Variants in FREM1 observed in about 807,000 individuals in gnomAD.
The protein encoded by FREM1 is FRAS1-related extracellular matrix protein 1.
Under a neutral mutation model 210.1 loss-of-function variants are expected in FREM1, and 220 were observed. The ratio of observed to expected loss-of-function variants is 1.05; its 90% CI spans 0.94 to 1.17. The LOEUF (loss-of-function observed/expected upper bound fraction) is 1.17. FREM1 is among the 50% of genes most tolerant of loss of function. FREM1 has a pLI of 0.00. For synonymous variants in FREM1, 1,189 were observed against 980.2 expected, an observed-to-expected ratio of 1.21 and a Z score of -3.98; for missense variants, 3,454 against 2,675.5, an observed-to-expected ratio of 1.29 and a Z score of -6.42.
intron 1 of FREM1, among the ~76,000 whole-genome samples, chr9:14,896,988 C>T (rs987537354): frequency 6.6e-6 from 1 of 152,166 alleles, no homozygotes; most frequent in African/African-American, 2.4e-5. Context: ...AGATCAACCA[C>T]CATGAATATT....
At chr9:14,794,471 G>A (rs999177342) in intron 21 of FREM1, among the ~76,000 whole-genome samples, 12 of 152,158 alleles carry the variant, frequency 7.9e-5, no homozygotes, top group Non-Finnish European at 1.5e-4. Context: ...GTGGAGTGAG[G>A]CACTGCGGAC....
In FREM1 at chr9:14,906,908, G is replaced by C. The variant is rs1050430716; in HGVS notation, c.-268+3006C>G. On this transcript the variant is annotated intron_variant, in intron 1 of 36. Transcript: ENST00000380880. ...CCTTTGTTGCTGGGGAGCCAGATAA[G>C]AAAGTTTCAAGGATAAACCTGAGAG... Among the ~76,000 whole-genome samples, 3 of 152,202 alleles carry C rather than the reference G, an allele frequency of 2.0e-5. No homozygotes were observed. The East Asian group carries it at 5.8e-4, about 29-fold the overall frequency.
At chr9:14,774,447 T>C (rs1011477712) in intron 25 of FREM1, among the ~76,000 whole-genome samples, 5 of 152,020 alleles carry the variant, frequency 3.3e-5, no homozygotes, top group South Asian at 2.1e-4. Context: ...CAACGTGCCC[T>C]GTGTATTTCG....
intron 29 of FREM1, among the ~76,000 whole-genome samples, chr9:14,752,132 T>C (rs1843502203): frequency 6.6e-6 from 1 of 151,886 alleles, no homozygotes; most frequent in African/African-American, 2.4e-5. Flanking sequence ...AGGTGTAACA[T>C]AAGCCAAGCC....
chr9:14,784,399 G>A lies in FREM1; in HGVS notation c.4413C>T (p.Ser1471=), dbSNP rs759460135. The part of the protein sequence containing the change: ...VGQTVCYVHK[S]KVTVSSDRFR... ...ATCTGTCACTGGAGACAGTCACCTT[G>A]CTCTTGTGTACATAGCAAACTGTCT... Residue 1471 remains serine (S), a synonymous_variant, in exon 24 of 37, where the codon AGC becomes AGT. Transcript: ENST00000380880. The A allele has an allele frequency of 5.0e-6, 8 of 1,613,602 alleles. No individual in the cohort carries two copies. In the South Asian group the frequency reaches 5.5e-5, roughly 11 times the overall value.
chr9:14,819,224 A>G lies in FREM1; in HGVS notation c.2546+10T>C, dbSNP rs1820837329. The G allele has an allele frequency of 6.4e-7, 1 of 1,571,296 alleles. No homozygotes were observed. Among genetic ancestry groups the G allele is most frequent in the African/African-American group, 1.4e-5 (1 of 73,346 alleles). ...AGCATGTAAATAAAAAAACCATGAAATGTTCTAACCTAACTTTTAAGGTAT... is the reference window on the plus strand; with the variant it reads ...AGCATGTAAATAAAAAAACCATGAAGTGTTCTAACCTAACTTTTAAGGTAT... On this transcript the variant is annotated intron_variant, in intron 14 of 36. Coordinates refer to ENST00000380880, the MANE Select transcript of FREM1 (RefSeq NM_001379081.2).
rs946004629 is a variant in FREM1, at chr9:14,825,372, C to T, written c.1882-380G>A. 7.3e-5 allele frequency among the ~76,000 whole-genome samples: 11 copies of T among 150,556 alleles called. No homozygotes were observed. The East Asian group carries it at 2.0e-3, about 27-fold the overall frequency. On this transcript the variant is annotated intron_variant, in intron 10 of 36. Transcript: ENST00000380880. ...GTGTGGTGATGGGTGCCTGCAATCC[C>T]AGCTACTCGGCAGGCTGAGGCAGGA... is the stretch of plus-strand genomic sequence containing the variant.
Position 14,823,238 on chromosome 9 carries a change from G to T in FREM1, c.2259C>A (p.Val753=). 1 of 1,613,938 alleles carries T rather than the reference G, an allele frequency of 6.2e-7. No homozygotes were observed. The highest frequency in any genetic ancestry group is 8.5e-7 in the Non-Finnish European group (1 of 1,179,822). The change falls in exon 13 of 37, where the codon GTC becomes GTA. Residue 753 remains valine, a synonymous_variant. Coordinates refer to ENST00000380880, the MANE Select transcript of FREM1 (RefSeq NM_001379081.2). ...GCAAAGTACCGCCATGTTGGTTACT[G>T]ACAGAAAATGTGAACTGGACATCTC... ...HCRDVQFTFS[V]SNQHGGTLHG... is the part of the protein sequence containing the mutation.
intron 1 of FREM1, among the ~76,000 whole-genome samples, chr9:14,886,335 G>A (rs534272595): frequency 4.1e-5 from 5 of 121,414 alleles, no homozygotes; most frequent in African/African-American, 1.2e-4. Context: ...GCAGTAAGCC[G>A]AGATCGTGCC....
At chr9:14,841,236 A>G (rs1488920578) in intron 10 of FREM1, among the ~76,000 whole-genome samples, 1 of 152,254 alleles carries the variant, frequency 6.6e-6, no homozygotes, top group African/African-American at 2.4e-5. Context: ...AATGACCTTG[A>G]AACACTGAAT....
At chr9:14,863,718 C>T in intron 3 of FREM1, 91 bp downstream of exon 3, 1 of 743,528 alleles carries the variant, frequency 1.3e-6, no homozygotes, top group Non-Finnish European at 2.3e-6. Context: ...ATTAACTCCC[C>T]TCATGACAAT....
chr9:14,782,254 T>C (rs1219652042), intron 24 of FREM1: 40 of 387,864 alleles, frequency 1.0e-4, no homozygotes, highest in Non-Finnish European at 1.4e-4. Context: ...ATAAATGATT[T>C]CTAAAATGCC....
At chr9:14,743,838 T>C (rs1047173690) in intron 35 of FREM1, among the ~76,000 whole-genome samples, 5 of 152,216 alleles carry the variant, frequency 3.3e-5, no homozygotes, top group African/African-American at 1.2e-4. Flanking sequence ...TCTTGCTAGT[T>C]TAGATAGCTT....
chr9:14,898,320 G>A (rs1033851579), intron 1 of FREM1, among the ~76,000 whole-genome samples: 3 of 152,186 alleles, frequency 2.0e-5, no homozygotes, highest in African/African-American at 7.2e-5. Flanking sequence ...ATAGAGCAAG[G>A]CTCAGCCAAA....
At position 14,769,875 on chromosome 9, in the gene FREM1, A is replaced by G; in HGVS notation, c.5060-7T>C. 1 of 1,404,396 alleles carries G rather than the reference A, an allele frequency of 7.1e-7. No individual in the cohort carries two copies. The highest frequency in any genetic ancestry group is 9.8e-7 in the Non-Finnish European group (1 of 1,017,206). 87.0% of individuals were successfully genotyped at this position (1,404,396 alleles called of 1,614,324 possible). The stretch of plus-strand genomic sequence containing the variant: ...TTCTCATGGATAAATTCACCTAAAA[A>G]AAGAAATAAATGAATATCATGGGTA... On this transcript the variant is annotated splice_region_variant and splice_polypyrimidine_tract_variant and intron_variant, in intron 26 of 36. Coordinates refer to ENST00000380880, the MANE Select transcript of FREM1 (RefSeq NM_001379081.2).
chr9:14,821,514 A>C (rs1338037338), intron 13 of FREM1, among the ~76,000 whole-genome samples: 1 of 152,240 alleles, frequency 6.6e-6, no homozygotes, highest in East Asian at 1.9e-4. Context: ...TATCTCATAC[A>C]TAGAAAAGAA....
intron 8 of FREM1, among the ~76,000 whole-genome samples, chr9:14,843,816 G>T (rs1044887066): frequency 6.7e-6 from 1 of 150,222 alleles, no homozygotes; most frequent in African/African-American, 2.5e-5. Context: ...TCAGGGGTGG[G>T]TGGGAGGGAG....
chr9:14,759,899 A>G lies in FREM1; in HGVS notation c.5207T>C (p.Leu1736Ser). 3 of 1,608,582 alleles carry G rather than the reference A, an allele frequency of 1.9e-6. No individual in the cohort carries two copies. The South Asian group carries it at 3.3e-5, about 18-fold the overall frequency. Residue 1736 changes from leucine (L) to serine (S), a missense_variant and splice_region_variant, in exon 28 of 37, where the codon TTG becomes TCG. By Grantham distance (145) the Leu-to-Ser change is moderately radical (BLOSUM62 -2). Coordinates refer to ENST00000380880, the MANE Select transcript of FREM1 (RefSeq NM_001379081.2). Reference protein sequence around the residue: ...PTGNSATPQILELKWSHIEWS... With the variant: ...PTGNSATPQISELKWSHIEWS... ...TTCAATATGAGACCACTTCAGTTCC[A>G]AACTGTGTGTGAAAGGAAAAGAGAA... is the stretch of plus-strand genomic sequence containing the variant.
intron 25 of FREM1, among the ~76,000 whole-genome samples, chr9:14,772,674 T>C (rs564698957): frequency 3.0e-4 from 45 of 152,174 alleles, no homozygotes; most frequent in Non-Finnish European, 5.3e-4. Flanking sequence ...CTGAAGAGTA[T>C]GGGTGGCAAC....
Sources: gnomAD v4.1 joint callset for allele counts (sites outside exome capture counted in the v4.1 genomes callset) on GRCh38, gnomAD v4.1.1 for gene constraint, MANE v1.5 for transcripts, NCBI Gene and HGNC (gene_info 2026-07-23, HGNC 2026-07-21) for gene names.